POLA1: variants seen among roughly 807,000 people sequenced by gnomAD.
POLA1 encodes the protein DNA polymerase alpha 1, catalytic subunit.
A neutral mutation model predicts 124.0 loss-of-function variants in POLA1; 15 were observed. That is an observed-to-expected ratio of 0.12 (90% confidence interval 0.08 to 0.19). The LOEUF is 0.19. Ranked by LOEUF, POLA1 falls within the 10% of genes least tolerant of loss-of-function variation. POLA1 has a pLI of 1.00. For missense variants in POLA1, 886 were observed against 1,103.4 expected (o/e 0.80, Z 2.79); for synonymous variants, 408 against 389.4 (o/e 1.05, Z -0.56).
At chrX:24,787,432 G>T in intron 26 of POLA1, among the ~76,000 whole-genome samples, 1 of 111,505 alleles carries the variant, frequency 9.0e-6, no homozygotes, top group South Asian at 3.8e-4. Flanking sequence ...TTTCGTATGT[G>T]GATATCTAGT....
chrX:24,958,399 A>G lies in POLA1; in HGVS notation c.4261+27850A>G, dbSNP rs773256582. Among the ~76,000 whole-genome samples the G allele has an allele frequency of 6.0e-4, 67 of 111,831 alleles. 1 individual carries two copies. Among genetic ancestry groups the G allele is most frequent in the Non-Finnish European group, 1.1e-3 (58 of 53,167 alleles). On this transcript the variant is annotated intron_variant, in intron 36 of 36. Transcript: ENST00000379068. The stretch of plus-strand genomic sequence containing the variant: ...CTTCCTAGTTACGAAACCCAATGGA[A>G]TCTTTCCAATCCATCTACCATTGAC...
At chrX:24,909,006 T>C (rs967347645) in intron 35 of POLA1, among the ~76,000 whole-genome samples, 2 of 112,465 alleles carry the variant, frequency 1.8e-5, no homozygotes, top group Non-Finnish European at 3.8e-5. Flanking sequence ...CATTTTTTCA[T>C]GTGTCTTTTG....
chrX:24,755,215 CAG>C (rs902880805), intron 26 of POLA1, among the ~76,000 whole-genome samples: 1 of 112,247 alleles, frequency 8.9e-6, no homozygotes, highest in Non-Finnish European at 1.9e-5. Context: ...GTCACAGTGT[CAG>C]AGGCTAATCT....
chrX:24,846,633 C>T (rs924540200), intron 34 of POLA1, among the ~76,000 whole-genome samples: 2 of 111,815 alleles, frequency 1.8e-5, no homozygotes, highest in African/African-American at 6.5e-5. Flanking sequence ...CCCTTAAATT[C>T]TGCTCCAGAA....
At chrX:24,776,501 T>C (rs1020591225) in intron 26 of POLA1, among the ~76,000 whole-genome samples, 3 of 112,000 alleles carry the variant, frequency 2.7e-5, no homozygotes, top group Admixed American at 9.5e-5. Flanking sequence ...AACCTTGTTA[T>C]AGATCTGTGG....
chrX:24,904,999 G>A (rs989119078), intron 35 of POLA1, among the ~76,000 whole-genome samples: 8 of 103,791 alleles, frequency 7.7e-5, no homozygotes, highest in Non-Finnish European at 1.6e-4. Context: ...ACTCCAGCCT[G>A]GGCAACAGAG....
intron 35 of POLA1, among the ~76,000 whole-genome samples, chrX:24,909,137 C>T (rs1255936421): frequency 8.9e-6 from 1 of 111,772 alleles, no homozygotes; most frequent in South Asian, 3.7e-4. Flanking sequence ...GGATATTAGC[C>T]CTTTGTCAGA....
intron 32 of POLA1, among the ~76,000 whole-genome samples, chrX:24,838,201 C>T (rs1223081284): frequency 9.0e-6 from 1 of 111,728 alleles, no homozygotes; most frequent in East Asian, 2.8e-4. Context: ...TCTATAAATA[C>T]TTCTTGAAAC....
intron 4 of POLA1, among the ~76,000 whole-genome samples, chrX:24,712,759 G>A (rs1314539261): frequency 1.8e-5 from 2 of 111,469 alleles, no homozygotes; most frequent in East Asian, 5.6e-4. Context: ...TTTGATTTGT[G>A]ATCCATTTGG....
chrX:24,776,632 G>A (rs999551840), intron 26 of POLA1, among the ~76,000 whole-genome samples: 3 of 111,987 alleles, frequency 2.7e-5, no homozygotes, highest in African/African-American at 9.7e-5. Flanking sequence ...CACAGAGCAT[G>A]GGGCCTCATT....
At chrX:24,921,985 T>G (rs1409704566) in intron 35 of POLA1, among the ~76,000 whole-genome samples, 2 of 110,191 alleles carry the variant, frequency 1.8e-5, no homozygotes, top group Non-Finnish European at 3.8e-5. Flanking sequence ...ACAAGTGGCT[T>G]TTTTTGGCCA....
intron 35 of POLA1, among the ~76,000 whole-genome samples, chrX:24,906,240 A>G (rs761742014): frequency 1.8e-5 from 2 of 112,626 alleles, no homozygotes; most frequent in South Asian, 3.7e-4. Flanking sequence ...AATTGCAAAA[A>G]TATGAAACCA....
intron 30 of POLA1, among the ~76,000 whole-genome samples, chrX:24,821,062 T>C (rs2042149003): frequency 8.9e-6 from 1 of 112,004 alleles, no homozygotes; most frequent in Admixed American, 9.5e-5. Flanking sequence ...GAGGAGCCTT[T>C]GAGAAACAAT....
At chrX:24,951,343 A>ATC (rs2048039914) in intron 36 of POLA1, among the ~76,000 whole-genome samples, 1 of 40,937 alleles carries the variant, frequency 2.4e-5, no homozygotes, top group African/African-American at 7.5e-5. Flanking sequence ...ACACCTCCCT[A>ATC]CCCCCCCCCC....
intron 36 of POLA1, among the ~76,000 whole-genome samples, chrX:24,984,620 A>AT (rs1186955979): frequency 1.9e-5 from 2 of 106,756 alleles, no homozygotes; most frequent in Non-Finnish European, 3.9e-5. Flanking sequence ...AAGATGGAAA[A>AT]TTTTATATAA....
At position 24,985,869 on chromosome X, in the gene POLA1, C is replaced by T. The variant is rs372569914; in HGVS notation, c.4262-9936C>T. ...CTGTCACAAAAGCATCCAGTCTTTT[C>T]TCTAAGAAAGGGTTCCTTCCAGCCA... On this transcript the variant is annotated intron_variant, in intron 36 of 36. Transcript: ENST00000379068. 3.6e-5 allele frequency among the ~76,000 whole-genome samples: 4 copies of T among 112,173 alleles called. No homozygotes were observed. In the East Asian group the frequency reaches 1.1e-3, roughly 31 times the overall value.
chrX:24,844,147 C>T (rs181994641), intron 34 of POLA1, among the ~76,000 whole-genome samples: 4 of 111,444 alleles, frequency 3.6e-5, no homozygotes, highest in Non-Finnish European at 7.5e-5. Flanking sequence ...ACTCCATACC[C>T]TAGTTTTTTG....
chrX:24,726,066 CAAAG>C lies in POLA1; in HGVS notation c.1392+15_1392+18del. On this transcript the variant is annotated intron_variant, in intron 13 of 36. Coordinates refer to ENST00000379068, the MANE Select transcript of POLA1 (RefSeq NM_001330360.2). ...GAAGTTAAATACTCGGTAAGTCAAA[CAAAG>C]AAAATTACTGGGTTTTGCTTGAGAA... 9.6e-7 allele frequency: 1 copy of C among 1,037,340 alleles called. No homozygotes were observed. The highest frequency in any genetic ancestry group is 2.4e-5 in the Admixed American group (1 of 40,913). 85.5% of individuals were successfully genotyped at this position (1,037,340 alleles called of 1,213,427 possible).
intron 36 of POLA1, among the ~76,000 whole-genome samples, chrX:24,967,219 CTG>C (rs1406600157): frequency 1.4e-4 from 2 of 14,490 alleles, no homozygotes; most frequent in Non-Finnish European, 2.2e-4. Context: ...ATATTTTTAA[CTG>C]TTTTTTTTTT....
Sources: gnomAD v4.1 joint callset for allele counts (sites outside exome capture counted in the v4.1 genomes callset) on GRCh38, gnomAD v4.1.1 for gene constraint, MANE v1.5 for transcripts, NCBI Gene and HGNC (gene_info 2026-07-23, HGNC 2026-07-21) for gene names.